The following CENPP variants were observed in gnomAD, a reference collection of about 807,000 sequenced individuals.
CENPP encodes the protein centromere protein P.
In CENPP, 24 loss-of-function variants were observed where a neutral mutation model predicts 35.6. That is an observed-to-expected ratio of 0.67 (90% CI 0.49 to 0.95). The LOEUF is 0.95. Ranked by LOEUF, CENPP falls within the 40% of genes least tolerant of loss-of-function variation. CENPP has a pLI of 0.00. For missense variants in CENPP, 332 were observed against 345.3 expected (o/e 0.96, Z 0.31); for synonymous variants, 120 against 125.5 (o/e 0.96, Z 0.29).
chr9:92,327,458 G>A (rs900534021), intron 1 of CENPP, among the ~76,000 whole-genome samples: 4 of 152,172 alleles, frequency 2.6e-5, no homozygotes, highest in Admixed American at 2.6e-4. Flanking sequence ...ACAGGTTATA[G>A]GAGGGGCTAT....
In CENPP at chr9:92,478,074, C is replaced by G. The variant is rs144436559; in HGVS notation, c.564+98215C>G. Among the ~76,000 whole-genome samples the G allele has an allele frequency of 3.2e-3, 480 of 152,156 alleles. 3 individuals carry two copies. Among genetic ancestry groups the G allele is most frequent in the African/African-American group, 0.011 (451 of 41,534 alleles). On this transcript the variant is annotated intron_variant, in intron 5 of 7. Transcript: ENST00000375587. Reference sequence around the variant, plus strand: ...AAAGATTGAAATAGAATGTACAAACCTGGTAAGAGGGATAATGGGATTATA... The same window carrying G: ...AAAGATTGAAATAGAATGTACAAACGTGGTAAGAGGGATAATGGGATTATA...
At chr9:92,355,795 C>A (rs1841573905) in intron 4 of CENPP, among the ~76,000 whole-genome samples, 1 of 152,140 alleles carries the variant, frequency 6.6e-6, no homozygotes, top group South Asian at 2.1e-4. Context: ...CAAATGGACC[C>A]TTGTGGAACA....
At chr9:92,478,112 T>G (rs556981685) in intron 5 of CENPP, among the ~76,000 whole-genome samples, 141 of 152,350 alleles carry the variant, frequency 9.3e-4, no homozygotes, top group Middle Eastern at 3.4e-3. Context: ...CAAAGCATTT[T>G]TTTTTTCTTC....
intron 1 of CENPP, 40 bp downstream of exon 1, chr9:92,326,145 G>C (rs1840486320): frequency 1.5e-6 from 2 of 1,350,150 alleles, no homozygotes; most frequent in South Asian, 2.7e-5. Flanking sequence ...CCGCTGGCCA[G>C]GGTTCCCGGG....
chr9:92,589,356 ATTTTT>A (rs201190435), intron 5 of CENPP, among the ~76,000 whole-genome samples: 1 of 151,084 alleles, frequency 6.6e-6, no homozygotes, highest in Non-Finnish European at 1.5e-5. Context: ...AAAAAAAAAA[ATTTTT>A]TTTTAAGAGA....
At chr9:92,505,639 G>T in intron 5 of CENPP, 1 of 1,608,088 alleles carries the variant, frequency 6.2e-7, no homozygotes. Context: ...ATTGACATTG[G>T]CTTCACTGAG....
chr9:92,404,413 C>G, intron 5 of CENPP: 3 of 890,138 alleles, frequency 3.4e-6, no homozygotes, highest in South Asian at 3.4e-5. Context: ...CAGAGATGGC[C>G]TTTACATTTA....
intron 5 of CENPP, chr9:92,496,342 G>A: frequency 6.3e-7 from 1 of 1,594,776 alleles, no homozygotes; most frequent in East Asian, 2.3e-5. Flanking sequence ...GTTTAAGAAC[G>A]ATACTTGAGT....
At chr9:92,611,635 T>C (rs948903955) in intron 6 of CENPP, among the ~76,000 whole-genome samples, 6 of 152,066 alleles carry the variant, frequency 3.9e-5, no homozygotes, top group South Asian at 2.1e-4. Context: ...CCAGGACTTA[T>C]GGGGTCAAGG....
intron 5 of CENPP, among the ~76,000 whole-genome samples, chr9:92,530,624 G>A (rs1238907840): frequency 6.6e-6 from 1 of 152,052 alleles, no homozygotes; most frequent in Non-Finnish European, 1.5e-5. Context: ...TTATCATTAG[G>A]TGGATACTTT....
intron 4 of CENPP, among the ~76,000 whole-genome samples, chr9:92,377,295 A>G (rs1387629857): frequency 6.6e-6 from 1 of 152,176 alleles, no homozygotes; most frequent in African/African-American, 2.4e-5. Flanking sequence ...TCCTGTATCA[A>G]TTGCAAGAAA....
At chr9:92,337,672 A>G (rs373387059) in intron 3 of CENPP, 43 bp downstream of exon 3, 10 of 1,226,480 alleles carry the variant, frequency 8.2e-6, no homozygotes, top group Non-Finnish European at 1.2e-5. Flanking sequence ...TACTTCTGCT[A>G]TGAGATAAAC....
chr9:92,401,412 T>A (rs1843106189), intron 5 of CENPP, among the ~76,000 whole-genome samples: 1 of 152,206 alleles, frequency 6.6e-6, no homozygotes, highest in South Asian at 2.1e-4. Flanking sequence ...GAACTGGGTG[T>A]TTTTATTTTT....
chr9:92,548,939 A>G (rs1266061288), intron 5 of CENPP, among the ~76,000 whole-genome samples: 1 of 152,238 alleles, frequency 6.6e-6, no homozygotes, highest in African/African-American at 2.4e-5. Flanking sequence ...AAAAGCCAAG[A>G]CATTCCTGAA....
chr9:92,394,826 C>T (rs1383107285), intron 5 of CENPP, among the ~76,000 whole-genome samples: 3 of 151,998 alleles, frequency 2.0e-5, no homozygotes, highest in Middle Eastern at 3.4e-3. Flanking sequence ...AGGCTGCTTT[C>T]GAACTCCTGA....
At chr9:92,525,759 G>A (rs759630304) in intron 5 of CENPP, among the ~76,000 whole-genome samples, 1 of 151,862 alleles carries the variant, frequency 6.6e-6, no homozygotes, top group Admixed American at 6.6e-5. Flanking sequence ...GTGTGGTGGT[G>A]CACGCCTGTA....
At chr9:92,506,097 T>C (rs1245263439) in intron 5 of CENPP, among the ~76,000 whole-genome samples, 3 of 152,174 alleles carry the variant, frequency 2.0e-5, no homozygotes, top group Admixed American at 6.5e-5. Flanking sequence ...ATTGGAAACA[T>C]TGCAAAGACA....
chr9:92,603,018 T>C (rs1850966447), intron 5 of CENPP, among the ~76,000 whole-genome samples: 1 of 152,096 alleles, frequency 6.6e-6, no homozygotes, highest in Admixed American at 6.5e-5. Context: ...CTCGATCTCT[T>C]GACCTCGTGA....
At chr9:92,442,267 G>T (rs542778218) in intron 5 of CENPP, among the ~76,000 whole-genome samples, 7 of 151,492 alleles carry the variant, frequency 4.6e-5, no homozygotes, top group African/African-American at 1.7e-4. Context: ...GCGTGGTGGC[G>T]CATGCCTGTA....
Sources: allele counts gnomAD v4.1 joint callset (sites outside exome capture counted in the v4.1 genomes callset), GRCh38; gene constraint gnomAD v4.1.1; transcripts MANE v1.5; gene names NCBI Gene and HGNC (gene_info 2026-07-23, HGNC 2026-07-21).